Variants in TNRC6B observed in about 807,000 individuals in gnomAD.
The protein encoded by TNRC6B is trinucleotide repeat-containing gene 6B protein.
A neutral mutation model predicts 203.6 loss-of-function variants in TNRC6B; 52 were observed. The ratio of observed to expected loss-of-function variants is 0.26; its 90% CI spans 0.20 to 0.32. The LOEUF (loss-of-function observed/expected upper bound fraction) is 0.32, where lower values mean the gene tolerates loss of function less well. Among genes scored for constraint, TNRC6B ranks in the 10% least tolerant of loss-of-function variants. The pLI, the probability that TNRC6B is intolerant of heterozygous loss-of-function variation, is 1.00. For synonymous variants in TNRC6B, 838 were observed against 845.7 expected (o/e 0.99, Z 0.16); for missense variants, 1,923 against 2,286.2 (o/e 0.84, Z 3.24).
intron 1 of TNRC6B, among the ~76,000 whole-genome samples, chr22:40,199,531 C>A (rs1174466843): frequency 6.6e-6 from 1 of 152,036 alleles, no homozygotes; most frequent in African/African-American, 2.4e-5. Context: ...AAATAACTGG[C>A]CTGTAATCCT....
Position 40,323,080 on chromosome 22 carries a change from GGCA to G in TNRC6B, c.5347_5349del (p.Ser1783del). ...CGGGCAGTGGAGCAGCAGCGCTGGT[GGCA>G]GCAGCGGGGCCGATCTTGCTGGCGC... is the stretch of plus-strand genomic sequence containing the variant. On this transcript the variant is annotated inframe_deletion, in exon 23 of 23. Coordinates refer to ENST00000454349, the MANE Select transcript of TNRC6B (RefSeq NM_001162501.2). 1 of 1,605,806 alleles carries G rather than the reference GGCA, an allele frequency of 6.2e-7. No homozygotes were observed. Among genetic ancestry groups the G allele is most frequent in the Non-Finnish European group, 8.5e-7 (1 of 1,175,854 alleles).
intron 2 of TNRC6B, among the ~76,000 whole-genome samples, chr22:40,119,159 G>C (rs1393501754): frequency 6.6e-6 from 1 of 152,200 alleles, no homozygotes; most frequent in African/African-American, 2.4e-5. Flanking sequence ...CTTGTATTTA[G>C]TTCTTAACAT....
rs937655218 is a variant in TNRC6B, at chr22:40,107,793, C to G, written c.-120-9262C>G. Among the ~76,000 whole-genome samples, 18 of 152,046 alleles carry G rather than the reference C, an allele frequency of 1.2e-4. 2 individuals are homozygous for G. Among genetic ancestry groups the G allele is most frequent in the Admixed American group, 9.9e-4 (15 of 15,220 alleles). ...CTTTAACTAAGGCAGTGGCTACCCC[C>G]CTTTCTCTGTTTATCCATAAATTTA... is the stretch of plus-strand genomic sequence containing the variant. On this transcript the variant is annotated intron_variant, in intron 1 of 23. Transcript: ENST00000301923.
intron 15 of TNRC6B, 160 bp downstream of exon 15, chr22:40,301,493 G>GT: frequency 1.3e-6 from 1 of 762,786 alleles, no homozygotes; most frequent in Non-Finnish European, 2.0e-6. Context: ...GGCTTCTTGA[G>GT]TTTCAGTGGG....
intron 1 of TNRC6B, among the ~76,000 whole-genome samples, chr22:40,225,625 C>T (rs759516428): frequency 2.0e-5 from 3 of 151,702 alleles, no homozygotes; most frequent in Non-Finnish European, 4.4e-5. Flanking sequence ...TGCCTGTAAC[C>T]CCAGCTACGC....
intron 3 of TNRC6B, among the ~76,000 whole-genome samples, chr22:40,257,049 C>T (rs544907450): frequency 4.6e-5 from 7 of 152,296 alleles, no homozygotes; most frequent in Admixed American, 2.6e-4. Flanking sequence ...TTGTTCAGTA[C>T]ACATTGACCG....
chr22:40,151,742 G>A (rs572957778), intron 3 of TNRC6B, among the ~76,000 whole-genome samples: 2 of 151,188 alleles, frequency 1.3e-5, no homozygotes, highest in South Asian at 4.2e-4. Context: ...ATAAAGTTGA[G>A]AGAACCTCCC....
exon 1 of TNRC6B, chr22:40,044,990 G>C (rs2067672943): frequency 1.3e-5 from 2 of 151,166 alleles, no homozygotes; most frequent in African/African-American, 2.4e-5. Context: ...GAGCCGGCAC[G>C]GCTCGGCGGT....
At chr22:40,125,412 C>T (rs12159020) in intron 2 of TNRC6B, among the ~76,000 whole-genome samples, 156 of 152,286 alleles carry the variant, frequency 1.0e-3, no homozygotes, top group African/African-American at 3.6e-3. Flanking sequence ...ACAGGTGCGC[C>T]GCTTTGCTCA....
chr22:40,162,455 C>T (rs561950759), intron 4 of TNRC6B, among the ~76,000 whole-genome samples: 2 of 152,254 alleles, frequency 1.3e-5, no homozygotes, highest in South Asian at 4.1e-4. Flanking sequence ...TTTCTGGGAA[C>T]CATTCTTTTG....
intron 1 of TNRC6B, among the ~76,000 whole-genome samples, chr22:40,224,715 T>C (rs2069760251): frequency 1.3e-5 from 2 of 152,226 alleles, no homozygotes; most frequent in Non-Finnish European, 2.9e-5. Context: ...GCTTTCTTCT[T>C]TCTCTCCTTT....
chr22:40,049,366 C>T (rs1193772367), intron 1 of TNRC6B, among the ~76,000 whole-genome samples: 1 of 152,042 alleles, frequency 6.6e-6, no homozygotes, highest in Non-Finnish European at 1.5e-5. Flanking sequence ...TTTCTAACAT[C>T]GTACTGTCCT....
rs538081037 is a variant in TNRC6B at position 40,277,655 on chromosome 22, GAGA to G, written c.3217-338_3217-336del. On this transcript the variant is annotated intron_variant, in intron 8 of 22. Coordinates refer to ENST00000454349, the MANE Select transcript of TNRC6B (RefSeq NM_001162501.2). ...AAGGTTTGATGACTTGACAAGTCAC[GAGA>G]AGAAGTTGTCATTATTTGGCGGTCA... Among the ~76,000 whole-genome samples, 305 of 152,322 alleles carry G rather than the reference GAGA, an allele frequency of 2.0e-3. 1 individual carries two copies. The highest frequency in any genetic ancestry group is 7.2e-3 in the African/African-American group (298 of 41,564).
At chr22:40,226,839 AG>A (rs1331543489) in intron 1 of TNRC6B, among the ~76,000 whole-genome samples, 3 of 152,166 alleles carry the variant, frequency 2.0e-5, no homozygotes, top group African/African-American at 7.2e-5. Context: ...CCAGAGCCTG[AG>A]GGGAGGGGCT....
At position 40,322,912 on chromosome 22, in the gene TNRC6B, C is replaced by A. The variant is rs1465113964; in HGVS notation, c.5173C>A (p.Arg1725Ser). The change falls in exon 23 of 23, where the codon CGC becomes AGC. Residue 1725 changes from arginine to serine, a missense_variant. Physicochemically the swap from Arg to Ser is moderately radical, Grantham distance 110. Transcript: ENST00000454349. Reference protein sequence around the residue: ...AEFATDDEVSRFLAQAQPPTP... With the variant: ...AEFATDDEVSSFLAQAQPPTP... ...GTTTGCCACTGATGATGAAGTCAGC[C>A]GCTTTCTGGCACAAGCTCAGCCCCC... The A allele has an allele frequency of 6.2e-7, 1 of 1,613,948 alleles. No individual in the cohort carries two copies. Among genetic ancestry groups the A allele is most frequent in the Non-Finnish European group, 8.5e-7 (1 of 1,179,872 alleles).
intron 1 of TNRC6B, among the ~76,000 whole-genome samples, chr22:40,113,367 C>T (rs2068357864): frequency 1.3e-5 from 2 of 152,096 alleles, no homozygotes; most frequent in Admixed American, 1.3e-4. Context: ...CACCTGTGCT[C>T]CTTTTGAGAC....
At chr22:40,253,498 C>G (rs932705975) in intron 3 of TNRC6B, 1 of 449,494 alleles carries the variant, frequency 2.2e-6, no homozygotes, top group Non-Finnish European at 4.4e-6. Flanking sequence ...TTTCTACTCA[C>G]CACCAAATTT....
At chr22:40,046,192 A>G (rs2067685930) in intron 1 of TNRC6B, among the ~76,000 whole-genome samples, 1 of 152,238 alleles carries the variant, frequency 6.6e-6, no homozygotes, top group South Asian at 2.1e-4. Context: ...TTTCAGTAGT[A>G]TAAGGTTTCT....
chr22:40,131,131 A>G (rs940220537), intron 3 of TNRC6B, among the ~76,000 whole-genome samples: 2 of 151,992 alleles, frequency 1.3e-5, no homozygotes, highest in Non-Finnish European at 2.9e-5. Flanking sequence ...CGTGTTAGCC[A>G]GGAAGGTCTC....
Sources: allele counts gnomAD v4.1 joint callset (sites outside exome capture counted in the v4.1 genomes callset), GRCh38; gene constraint gnomAD v4.1.1; transcripts MANE v1.5; gene names NCBI Gene and HGNC (gene_info 2026-07-23, HGNC 2026-07-21).